B3GALNT2: variants seen among roughly 807,000 people sequenced by gnomAD.
B3GALNT2 encodes the protein beta-1,3-N-acetylgalactosaminyltransferase 2.
B3GALNT2 carries 53 observed loss-of-function variants against 61.1 expected under a neutral mutation model. The ratio of observed to expected loss-of-function variants is 0.87; its 90% CI spans 0.70 to 1.09. The LOEUF is 1.09. Among genes scored for constraint, B3GALNT2 ranks in the 50% least tolerant of loss-of-function variants. B3GALNT2 has a pLI of 0.00. For synonymous variants in B3GALNT2, 223 were observed against 237.4 expected, an observed-to-expected ratio of 0.94 and a Z score of 0.56; for missense variants, 544 against 623.0, an observed-to-expected ratio of 0.87 and a Z score of 1.35.
At chr1:235,469,950 T>G (rs1183194749) in intron 6 of B3GALNT2, among the ~76,000 whole-genome samples, 3 of 152,062 alleles carry the variant, frequency 2.0e-5, no homozygotes, top group Non-Finnish European at 4.4e-5. Context: ...CAGGCTGGAG[T>G]GCAGTGGTGT....
chr1:235,458,291 G>C (rs1296080930), intron 8 of B3GALNT2, among the ~76,000 whole-genome samples: 8 of 152,082 alleles, frequency 5.3e-5, no homozygotes, highest in Non-Finnish European at 1.0e-4. Flanking sequence ...TTTTCGCAAG[G>C]AACTGGGATA....
At chr1:235,474,292 A>G (rs1684135065) in intron 5 of B3GALNT2, among the ~76,000 whole-genome samples, 1 of 152,220 alleles carries the variant, frequency 6.6e-6, no homozygotes. Flanking sequence ...AAGTTGGGAA[A>G]AAATAGCATG....
intron 2 of B3GALNT2, among the ~76,000 whole-genome samples, chr1:235,492,220 T>C (rs1685101120): frequency 6.6e-6 from 1 of 152,226 alleles, no homozygotes. Flanking sequence ...CTTTCATAGA[T>C]AACTAGCATT....
chr1:235,484,807 A>G, intron 3 of B3GALNT2: 1 of 291,516 alleles, frequency 3.4e-6, no homozygotes, highest in South Asian at 1.1e-4. Context: ...CACAGGAGAT[A>G]TTAAATTTAA....
chr1:235,450,475 A>C, intron 11 of B3GALNT2, 135 bp from the exon 12 acceptor site: 1 of 1,155,410 alleles, frequency 8.7e-7, no homozygotes, highest in Admixed American at 2.2e-5. Context: ...TGTGTGGAAC[A>C]ACTGGTGAGG....
intron 4 of B3GALNT2, among the ~76,000 whole-genome samples, chr1:235,480,931 A>AAAAC (rs1264891248): frequency 1.3e-5 from 2 of 148,696 alleles, no homozygotes; most frequent in African/African-American, 4.9e-5. Context: ...AAAAAAAAAA[A>AAAAC]AAAAAAAAAA....
intron 5 of B3GALNT2, 126 bp from the exon 6 acceptor site, chr1:235,471,086 A>C (rs548551307): frequency 5.2e-5 from 76 of 1,471,858 alleles, no homozygotes; most frequent in Non-Finnish European, 6.8e-5. Context: ...TTTTCACCCC[A>C]TAACTCTGAC....
At chr1:235,503,749 G>A (rs546434196) in intron 1 of B3GALNT2, among the ~76,000 whole-genome samples, 2 of 144,410 alleles carry the variant, frequency 1.4e-5, no homozygotes, top group Admixed American at 7.4e-5. Context: ...ACTTGGGGGG[G>A]AAGAAAACAA....
intron 5 of B3GALNT2, 148 bp from the exon 6 acceptor site, chr1:235,471,108 A>G (rs964787480): frequency 1.8e-5 from 26 of 1,423,508 alleles, no homozygotes; most frequent in Non-Finnish European, 2.3e-5. Context: ...TACCACTGTT[A>G]GCGTTTGGTG....
Position 235,449,385 on chromosome 1 carries a change from G to A in B3GALNT2, c.*821C>T, listed in dbSNP as rs1682755166. The A allele has an allele frequency of 6.5e-6, 1 of 153,132 alleles. No individual in the cohort carries two copies. Among genetic ancestry groups the A allele is most frequent in the South Asian group, 2.0e-4 (1 of 4,916 alleles). 9.5% of individuals were successfully genotyped at this position (153,132 alleles called of 1,614,324 possible). On this transcript the variant is annotated 3_prime_UTR_variant, in exon 12 of 12. Coordinates refer to ENST00000366600, the MANE Select transcript of B3GALNT2 (RefSeq NM_152490.5). ...GGTAAACATTAGGCAATGATAGGAG[G>A]AAAGCAAAACTAATTCTTTCAAAAT...
chr1:235,448,603 G>T lies in B3GALNT2; in HGVS notation c.*1603C>A, dbSNP rs776916053. ...TGCCTGGGGACGGGGTGGGGGAAGA[G>T]TATGTGTAGCATGCTTTATCGGATC... On this transcript the variant is annotated 3_prime_UTR_variant, in exon 12 of 12. Transcript: ENST00000366600. The T allele has an allele frequency of 5.6e-6, 8 of 1,435,640 alleles. No homozygotes were observed. Among genetic ancestry groups the T allele is most frequent in the Non-Finnish European group, 7.9e-6 (8 of 1,017,816 alleles). The allele number at this position is 1,435,640 out of a possible 1,614,324, so 88.9% of individuals were successfully genotyped here.
chr1:235,466,160 T>C (rs1683684208), intron 6 of B3GALNT2, among the ~76,000 whole-genome samples: 1 of 152,094 alleles, frequency 6.6e-6, no homozygotes, highest in Non-Finnish European at 1.5e-5. Context: ...TAACAGTCTG[T>C]TCCAAATATT....
chr1:235,494,570 C>T, intron 2 of B3GALNT2, 111 bp downstream of exon 2: 1 of 1,206,896 alleles, frequency 8.3e-7, no homozygotes, highest in Non-Finnish European at 1.2e-6. Flanking sequence ...AATCCTTCCA[C>T]CTCAGCCTCC....
intron 6 of B3GALNT2, among the ~76,000 whole-genome samples, chr1:235,468,055 C>T (rs577415186): frequency 9.1e-4 from 138 of 152,366 alleles, no homozygotes; most frequent in Admixed American, 1.9e-3. Context: ...GCTGGGATTA[C>T]AGGCGTGAGC....
At chr1:235,486,341 C>T (rs895075259) in intron 3 of B3GALNT2, among the ~76,000 whole-genome samples, 1 of 152,192 alleles carries the variant, frequency 6.6e-6, no homozygotes, top group African/African-American at 2.4e-5. Context: ...AATTTTTTCT[C>T]TTTAAGATAT....
intron 6 of B3GALNT2, among the ~76,000 whole-genome samples, chr1:235,466,115 AAAGTT>A (rs1472860292): frequency 6.6e-6 from 1 of 152,144 alleles, no homozygotes; most frequent in Non-Finnish European, 1.5e-5. Flanking sequence ...GGCATGCTTT[AAAGTT>A]AAGAGACCAT....
At chr1:235,439,804 T>C in the B3GALNT2 span, among the ~76,000 whole-genome samples, 1 of 151,096 alleles carries the variant, frequency 6.6e-6, no homozygotes, top group Non-Finnish European at 1.5e-5. Context: ...CATTTCTTTT[T>C]CTTTTTTTTT....
intron 9 of B3GALNT2, 32 bp downstream of exon 9, chr1:235,455,527 G>C: frequency 6.2e-7 from 1 of 1,601,870 alleles, no homozygotes. Context: ...TCAGGTACAC[G>C]AATGCCAATG....
At chr1:235,451,557 C>T (rs1258100855) in intron 11 of B3GALNT2, 1 of 150,942 alleles carries the variant, frequency 6.6e-6, no homozygotes, top group Non-Finnish European at 1.5e-5. Flanking sequence ...AAAATCAGAC[C>T]CAGCAAAGAC....
Sources: allele counts gnomAD v4.1 joint callset (sites outside exome capture counted in the v4.1 genomes callset), GRCh38; gene constraint gnomAD v4.1.1; transcripts MANE v1.5; gene names NCBI Gene and HGNC (gene_info 2026-07-23, HGNC 2026-07-21).